The following UBASH3B variants were observed in gnomAD, a reference collection of about 807,000 sequenced individuals.
The protein encoded by UBASH3B is ubiquitin-associated and SH3 domain-containing protein B.
In UBASH3B, 37 loss-of-function variants were observed where a neutral mutation model predicts 83.4. That is an observed-to-expected ratio of 0.44 (90% CI 0.34 to 0.58). The LOEUF (loss-of-function observed/expected upper bound fraction) is 0.58, where lower values mean the gene tolerates loss of function less well. UBASH3B is among the 20% of genes least tolerant of loss of function. UBASH3B has a pLI of 0.01. For synonymous variants in UBASH3B, 304 were observed against 318.3 expected, an observed-to-expected ratio of 0.96 and a Z score of 0.48; for missense variants, 657 against 827.2, an observed-to-expected ratio of 0.79 and a Z score of 2.52.
At position 122,801,240 on chromosome 11, in the gene UBASH3B, G is replaced by A. The variant is rs1438877971; in HGVS notation, c.1503G>A (p.Glu501=). Residue 501 remains glutamate, a synonymous_variant, in exon 11 of 14, where the codon GAG becomes GAA. Coordinates refer to ENST00000284273, the MANE Select transcript of UBASH3B (RefSeq NM_032873.5). Reference sequence around the variant, plus strand: ...TCCGTGTAGAGCCCGGCTTATTTGAGTGGACAAAATGGGTTGCTGGGAGCA... The same window carrying A: ...TCCGTGTAGAGCCCGGCTTATTTGAATGGACAAAATGGGTTGCTGGGAGCA... The part of the protein sequence containing the change: ...LKIRVEPGLF[E]WTKWVAGSTL... 9 of 1,611,652 alleles carry A rather than the reference G, an allele frequency of 5.6e-6. No individual in the cohort carries two copies. In the African/African-American group the frequency reaches 1.2e-4, roughly 22 times the overall value.
chr11:122,744,873 CT>C (rs1482153454), intron 1 of UBASH3B, among the ~76,000 whole-genome samples: 1 of 139,434 alleles, frequency 7.2e-6, no homozygotes, highest in Non-Finnish European at 1.5e-5. Flanking sequence ...ATGTGTGACT[CT>C]GTGTGTGTGT....
Position 122,789,127 on chromosome 11 carries a change from C to A in UBASH3B, c.799C>A (p.Pro267Thr). Reference protein sequence around the residue: ...ETLQVIYPYTPQNDDELELVP... With the variant: ...ETLQVIYPYTTQNDDELELVP... ...ATTACAGGTCATCTACCCCTATACC[C>A]CACAAAATGACGATGAGCTGGAGCT... Residue 267 changes from proline (P) to threonine (T), a missense_variant, in exon 6 of 14, where the codon CCA becomes ACA. Coordinates refer to ENST00000284273, the MANE Select transcript of UBASH3B (RefSeq NM_032873.5). 1 of 1,613,640 alleles carries A rather than the reference C, an allele frequency of 6.2e-7. No individual in the cohort carries two copies. The highest frequency in any genetic ancestry group is 8.5e-7 in the Non-Finnish European group (1 of 1,179,974).
chr11:122,708,977 T>G (rs1331051737), intron 1 of UBASH3B, among the ~76,000 whole-genome samples: 1 of 152,154 alleles, frequency 6.6e-6, no homozygotes, highest in Non-Finnish European at 1.5e-5. Flanking sequence ...TCAGGTACGG[T>G]GGTGCATGCC....
intron 1 of UBASH3B, among the ~76,000 whole-genome samples, chr11:122,771,552 T>A (rs1860643623): frequency 6.6e-6 from 1 of 152,236 alleles, no homozygotes; most frequent in South Asian, 2.1e-4. Flanking sequence ...CTTACTTAGC[T>A]TTTAAGGTCC....
intron 1 of UBASH3B, among the ~76,000 whole-genome samples, chr11:122,674,250 G>T (rs73014256): frequency 2.0e-5 from 3 of 152,078 alleles, no homozygotes; most frequent in African/African-American, 7.2e-5. Context: ...GGGGCCCCTC[G>T]TTCCTCTGAA....
chr11:122,693,157 C>G (rs189613250), intron 1 of UBASH3B, among the ~76,000 whole-genome samples: 5 of 152,074 alleles, frequency 3.3e-5, no homozygotes, highest in African/African-American at 4.8e-5. Flanking sequence ...CTACAAAGAA[C>G]CTTCTTAAGG....
At chr11:122,781,199 G>A (rs940883602) in intron 4 of UBASH3B, among the ~76,000 whole-genome samples, 14 of 141,336 alleles carry the variant, frequency 9.9e-5, no homozygotes, top group Admixed American at 7.0e-4. Context: ...CTCCCTCAGC[G>A]ACGGGACTAG....
intron 1 of UBASH3B, among the ~76,000 whole-genome samples, chr11:122,716,137 G>T (rs1286953466): frequency 6.6e-6 from 1 of 152,176 alleles, no homozygotes; most frequent in Non-Finnish European, 1.5e-5. Context: ...AGCAAGCTGG[G>T]GCTGGTGAGA....
At position 122,700,793 on chromosome 11, in the gene UBASH3B, G is replaced by A. The variant is rs551489689; in HGVS notation, c.161+44583G>A. Among the ~76,000 whole-genome samples the A allele has an allele frequency of 2.4e-4, 36 of 152,214 alleles. No individual in the cohort carries two copies. The South Asian group carries it at 7.5e-3, about 32-fold the overall frequency. On this transcript the variant is annotated intron_variant, in intron 1 of 13. Coordinates refer to ENST00000284273, the MANE Select transcript of UBASH3B (RefSeq NM_032873.5). ...AATATAGGCATGAGCCAAAGCACCT[G>A]GCCTACTTCTGATCTTGATGTTAAC...
intron 1 of UBASH3B, among the ~76,000 whole-genome samples, chr11:122,732,110 G>C (rs1478945008): frequency 6.6e-6 from 1 of 152,174 alleles, no homozygotes; most frequent in East Asian, 1.9e-4. Flanking sequence ...CCCTAGCCCT[G>C]AGGATGACAA....
intron 1 of UBASH3B, among the ~76,000 whole-genome samples, chr11:122,773,377 G>C (rs555170611): frequency 1.4e-4 from 21 of 152,370 alleles, no homozygotes; most frequent in Non-Finnish European, 2.4e-4. Context: ...AGCAAGGTTT[G>C]TCTATGGCTC....
intron 1 of UBASH3B, among the ~76,000 whole-genome samples, chr11:122,685,286 C>G (rs1455917864): frequency 1.3e-5 from 2 of 152,176 alleles, no homozygotes; most frequent in African/African-American, 4.8e-5. Flanking sequence ...GAGCAAAGAC[C>G]TTGACTGTCT....
At chr11:122,695,898 T>G (rs939054610) in intron 1 of UBASH3B, among the ~76,000 whole-genome samples, 10 of 152,254 alleles carry the variant, frequency 6.6e-5, no homozygotes, top group Non-Finnish European at 1.5e-4. Context: ...AATAGTCACA[T>G]TGAGCTTATG....
At chr11:122,694,954 CTTTTTTTTTTT>C (rs71054088) in intron 1 of UBASH3B, among the ~76,000 whole-genome samples, 11 of 50,414 alleles carry the variant, frequency 2.2e-4, no homozygotes, top group East Asian at 9.5e-4. Context: ...TCTTTTCTTT[CTTTTTTTTTTT>C]TTTTTTTTTT....
At position 122,713,445 on chromosome 11, in the gene UBASH3B, T is replaced by A. The variant is rs1029805660; in HGVS notation, c.161+57235T>A. On this transcript the variant is annotated intron_variant, in intron 1 of 13. Coordinates refer to ENST00000284273, the MANE Select transcript of UBASH3B (RefSeq NM_032873.5). ...AAGTTACATCAACTGTGATAATAGA[T>A]CTGTAGATGCAAAAGGCCTTGGAAG... Among the ~76,000 whole-genome samples the A allele has an allele frequency of 3.3e-5, 5 of 152,142 alleles. No individual in the cohort carries two copies. The South Asian group carries it at 1.0e-3, about 31-fold the overall frequency.
intron 1 of UBASH3B, among the ~76,000 whole-genome samples, chr11:122,738,502 G>A (rs1240283245): frequency 6.6e-6 from 1 of 152,172 alleles, no homozygotes; most frequent in Non-Finnish European, 1.5e-5. Flanking sequence ...AGAAGCCTGA[G>A]CCATGGGGTT....
intron 1 of UBASH3B, chr11:122,726,113 G>C (rs1345942502): frequency 6.6e-6 from 1 of 152,158 alleles, no homozygotes; most frequent in Admixed American, 6.5e-5. Context: ...CCTTCCCTCT[G>C]TGCTCATCCA....
intron 1 of UBASH3B, chr11:122,709,186 G>A (rs764760662): frequency 2.0e-5 from 3 of 152,262 alleles, no homozygotes; most frequent in Non-Finnish European, 4.4e-5. Context: ...AGGCTGCAGT[G>A]AGCCATGATC....
intron 5 of UBASH3B, among the ~76,000 whole-genome samples, chr11:122,783,470 CA>C (rs1860893670): frequency 6.6e-6 from 1 of 151,600 alleles, no homozygotes; most frequent in African/African-American, 2.4e-5. Flanking sequence ...TCTCCCCTGC[CA>C]ATCCAACTCC....
Sources: allele counts gnomAD v4.1 joint callset (sites outside exome capture counted in the v4.1 genomes callset), GRCh38; gene constraint gnomAD v4.1.1; transcripts MANE v1.5; gene names NCBI Gene and HGNC (gene_info 2026-07-23, HGNC 2026-07-21).